RTN1: variants seen among roughly 807,000 people sequenced by gnomAD.
RTN1 encodes reticulon 1.
A neutral mutation model predicts 65.5 loss-of-function variants in RTN1; 25 were observed. The ratio of observed to expected loss-of-function variants is 0.38; its 90% CI spans 0.28 to 0.53. The LOEUF (loss-of-function observed/expected upper bound fraction) is 0.53. Ranked by LOEUF, RTN1 falls within the 20% of genes least tolerant of loss-of-function variation. The pLI, the probability that RTN1 is intolerant of heterozygous loss-of-function variation, is 0.79. For synonymous variants in RTN1, 471 were observed against 447.6 expected, an observed-to-expected ratio of 1.05 and a Z score of -0.66; for missense variants, 983 against 1,025.4, an observed-to-expected ratio of 0.96 and a Z score of 0.57.
intron 3 of RTN1, among the ~76,000 whole-genome samples, chr14:59,629,562 A>G (rs1386782157): frequency 1.3e-5 from 2 of 152,142 alleles, no homozygotes; most frequent in Admixed American, 6.6e-5. Context: ...TCCGACAAAC[A>G]CCCAAGTTAC....
intron 1 of RTN1, among the ~76,000 whole-genome samples, chr14:59,752,034 T>C (rs929894332): frequency 3.3e-5 from 5 of 152,126 alleles, no homozygotes; most frequent in Non-Finnish European, 7.4e-5. Flanking sequence ...TAAGCTCCAC[T>C]AATATAAACT....
intron 1 of RTN1, among the ~76,000 whole-genome samples, chr14:59,827,959 G>A (rs1405006955): frequency 6.6e-6 from 1 of 152,194 alleles, no homozygotes; most frequent in Non-Finnish European, 1.5e-5. Context: ...TCCCGTACAA[G>A]AGGACAAGCA....
At chr14:59,841,715 AC>A (rs200026389) in intron 1 of RTN1, among the ~76,000 whole-genome samples, 10 of 142,954 alleles carry the variant, frequency 7.0e-5, no homozygotes, top group African/African-American at 2.5e-4. Flanking sequence ...AAAAAAAAAA[AC>A]AAAAAAAAAA....
intron 3 of RTN1, among the ~76,000 whole-genome samples, chr14:59,618,667 G>T (rs1037984111): frequency 7.2e-5 from 11 of 152,190 alleles, no homozygotes; most frequent in Admixed American, 7.2e-4. Context: ...GGAGAATCAG[G>T]ATCAAACCCT....
At chr14:59,804,634 G>A (rs1258380761) in intron 1 of RTN1, among the ~76,000 whole-genome samples, 17 of 152,170 alleles carry the variant, frequency 1.1e-4, no homozygotes, top group Admixed American at 1.1e-3. Context: ...GGTTCACAAA[G>A]TATGTTGATA....
At chr14:59,708,985 A>G (rs1213355519) in intron 3 of RTN1, among the ~76,000 whole-genome samples, 1 of 152,350 alleles carries the variant, frequency 6.6e-6, no homozygotes, top group East Asian at 1.9e-4. Context: ...ATTTTTGCTC[A>G]TTGGCTAATT....
At chr14:59,642,328 GCTT>G (rs1267670676) in intron 3 of RTN1, among the ~76,000 whole-genome samples, 1 of 152,060 alleles carries the variant, frequency 6.6e-6, no homozygotes, top group Admixed American at 6.6e-5. Context: ...GGTTTACTGA[GCTT>G]CTTAAATCTG....
rs1364160203 is a variant in RTN1 at position 59,661,491 on chromosome 14, A to G, written c.1766-53999T>C. Among the ~76,000 whole-genome samples, 3 of 152,294 alleles carry G rather than the reference A, an allele frequency of 2.0e-5. No homozygotes were observed. The East Asian group carries it at 5.8e-4, about 29-fold the overall frequency. ...CAATATCCCTGATGAACATCAATGC[A>G]AAAATCCTCAATAAAATACTGGCAA... On this transcript the variant is annotated intron_variant, in intron 3 of 8. Coordinates refer to ENST00000267484, the MANE Select transcript of RTN1 (RefSeq NM_021136.3).
At chr14:59,713,534 T>A (rs1253659844) in intron 3 of RTN1, among the ~76,000 whole-genome samples, 3 of 152,200 alleles carry the variant, frequency 2.0e-5, no homozygotes, top group Non-Finnish European at 4.4e-5. Flanking sequence ...TCAGAACACT[T>A]ACTGCTGAGA....
intron 3 of RTN1, among the ~76,000 whole-genome samples, chr14:59,669,938 C>T (rs1330377436): frequency 2.6e-5 from 4 of 152,174 alleles, no homozygotes; most frequent in African/African-American, 9.6e-5. Context: ...CTTCTGTCTC[C>T]ATTTTTTTGC....
chr14:59,789,177 G>A (rs1886304388), intron 1 of RTN1, among the ~76,000 whole-genome samples: 1 of 150,484 alleles, frequency 6.6e-6, no homozygotes, highest in Admixed American at 6.6e-5. Flanking sequence ...TTTTTAGTTT[G>A]ATTCTCTCAA....
At chr14:59,835,918 G>A (rs1887205333) in intron 1 of RTN1, among the ~76,000 whole-genome samples, 1 of 151,376 alleles carries the variant, frequency 6.6e-6, no homozygotes, top group South Asian at 2.1e-4. Context: ...GTCTGACATG[G>A]GTCTCACTGG....
chr14:59,827,596 C>T (rs897678943), intron 1 of RTN1, among the ~76,000 whole-genome samples: 1 of 152,190 alleles, frequency 6.6e-6, no homozygotes, highest in Non-Finnish European at 1.5e-5. Context: ...GCATCAGCTC[C>T]AAGAACTATT....
At chr14:59,739,546 A>G (rs1464915997) in intron 2 of RTN1, among the ~76,000 whole-genome samples, 2 of 151,188 alleles carry the variant, frequency 1.3e-5, no homozygotes, top group African/African-American at 2.5e-5. Flanking sequence ...GTCTCAAAAA[A>G]AAAAAAAAAA....
At chr14:59,833,346 A>G (rs984918811) in intron 1 of RTN1, among the ~76,000 whole-genome samples, 2 of 152,222 alleles carry the variant, frequency 1.3e-5, no homozygotes, top group African/African-American at 4.8e-5. Flanking sequence ...ATGAATTCCT[A>G]TGGGCGATAT....
At chr14:59,626,526 C>G (rs1882404138) in intron 3 of RTN1, among the ~76,000 whole-genome samples, 1 of 152,170 alleles carries the variant, frequency 6.6e-6, no homozygotes, top group African/African-American at 2.4e-5. Flanking sequence ...AAAAAATGAT[C>G]TTTAGAGAAC....
At position 59,761,629 on chromosome 14, in the gene RTN1, C is replaced by G. The variant is rs200704493; in HGVS notation, c.242-15148G>C. 7.9e-5 allele frequency among the ~76,000 whole-genome samples: 12 copies of G among 152,220 alleles called. No individual in the cohort carries two copies. The East Asian group carries it at 2.3e-3, about 29-fold the overall frequency. ...AGAAGACCCTAGAAAGGGAATTTAC[C>G]ACAGTCTGGAATAATCCACAAGATC... On this transcript the variant is annotated intron_variant, in intron 1 of 8. Coordinates refer to ENST00000267484, the MANE Select transcript of RTN1 (RefSeq NM_021136.3).
At chr14:59,733,093 C>A (rs200797710) in intron 2 of RTN1, among the ~76,000 whole-genome samples, 2 of 79,122 alleles carry the variant, frequency 2.5e-5, no homozygotes, top group South Asian at 3.7e-4. Context: ...TTTTTTTTTT[C>A]TTTCTTTCTT....
At chr14:59,613,337 C>T (rs925370482) in intron 3 of RTN1, among the ~76,000 whole-genome samples, 3 of 152,122 alleles carry the variant, frequency 2.0e-5, no homozygotes, top group East Asian at 3.9e-4. Flanking sequence ...CTCACTCTGT[C>T]GCCCAGTCTG....
Sources: gnomAD v4.1 joint callset for allele counts (sites outside exome capture counted in the v4.1 genomes callset) on GRCh38, gnomAD v4.1.1 for gene constraint, MANE v1.5 for transcripts, NCBI Gene and HGNC (gene_info 2026-07-23, HGNC 2026-07-21) for gene names.